Variants in WWOX observed in about 807,000 individuals in gnomAD.
The protein encoded by WWOX is WW domain containing oxidoreductase, also known as WW domain-containing oxidoreductase.
Under a neutral mutation model 46.2 loss-of-function variants are expected in WWOX, and 69 were observed. The observed-to-expected ratio is 1.49, with a 90% CI of 1.23 to 1.82. The LOEUF is 1.82. Ranked by LOEUF, WWOX falls within the 40% of genes most tolerant of loss-of-function variation. The pLI is 0.00. For synonymous variants in WWOX, 359 were observed against 202.6 expected (o/e 1.77, Z -6.56); for missense variants, 919 against 542.6 (o/e 1.69, Z -6.89).
chr16:78,722,844 C>T (rs908876180), intron 8 of WWOX, among the ~76,000 whole-genome samples: 1 of 151,568 alleles, frequency 6.6e-6, no homozygotes, highest in Non-Finnish European at 1.5e-5. Context: ...AGTTCAAGAT[C>T]AGTCTGGGCA....
intron 4 of WWOX, among the ~76,000 whole-genome samples, chr16:78,161,427 TCTTTCTTTCTCTTTC>T (rs1265928698): frequency 6.6e-6 from 1 of 151,946 alleles, no homozygotes; most frequent in African/African-American, 2.4e-5. Flanking sequence ...TCTCTCTCTC[TCTTTCTTTCTCTTTC>T]CTTTCTTTCT....
At chr16:78,105,909 C>G (rs367707460) in intron 1 of WWOX, among the ~76,000 whole-genome samples, 24 of 152,320 alleles carry the variant, frequency 1.6e-4, no homozygotes, top group African/African-American at 5.1e-4. Flanking sequence ...TCAGGAAATT[C>G]TCATGCCTCA....
intron 5 of WWOX, among the ~76,000 whole-genome samples, chr16:78,266,788 T>TTCTC (rs60393431): frequency 0.017 from 1,994 of 115,590 alleles, 45 homozygotes; most frequent in East Asian, 0.066. Flanking sequence ...TATTCTTCTA[T>TTCTC]TCTCTCTCTC....
At chr16:78,396,162 G>A (rs190074612) in intron 6 of WWOX, among the ~76,000 whole-genome samples, 2 of 152,244 alleles carry the variant, frequency 1.3e-5, no homozygotes, top group East Asian at 1.9e-4. Flanking sequence ...CATATCTCCT[G>A]TACCTTATTT....
intron 8 of WWOX, among the ~76,000 whole-genome samples, chr16:78,605,660 C>T (rs2045739105): frequency 6.6e-6 from 1 of 152,204 alleles, no homozygotes; most frequent in Non-Finnish European, 1.5e-5. Context: ...TCCAGAATTA[C>T]AACTCCGCCT....
At chr16:78,181,819 A>T (rs556517493) in intron 5 of WWOX, among the ~76,000 whole-genome samples, 22 of 152,166 alleles carry the variant, frequency 1.4e-4, no homozygotes, top group Non-Finnish European at 2.9e-4. Context: ...ATAATTAAAT[A>T]TAGATTTTTT....
At chr16:78,118,508 G>T (rs1361100152) in intron 4 of WWOX, among the ~76,000 whole-genome samples, 1 of 152,118 alleles carries the variant, frequency 6.6e-6, no homozygotes, top group Non-Finnish European at 1.5e-5. Flanking sequence ...TTTGTAAGTA[G>T]AATTTTTTTT....
chr16:78,465,097 G>A (rs1198307898), intron 8 of WWOX, among the ~76,000 whole-genome samples: 3 of 152,144 alleles, frequency 2.0e-5, no homozygotes, highest in African/African-American at 7.2e-5. Flanking sequence ...AACAGCACAG[G>A]CAGATCCCAT....
intron 8 of WWOX, among the ~76,000 whole-genome samples, chr16:78,593,032 A>T (rs980513145): frequency 3.9e-5 from 6 of 152,172 alleles, no homozygotes; most frequent in Non-Finnish European, 7.3e-5. Context: ...TACAGCCTTC[A>T]GTCCTAGCAC....
intron 5 of WWOX, among the ~76,000 whole-genome samples, chr16:78,208,997 G>A (rs772812161): frequency 1.4e-4 from 21 of 152,058 alleles, no homozygotes; most frequent in Non-Finnish European, 2.6e-4. Flanking sequence ...TGTTTAAAAT[G>A]TGGGTGGTTT....
At chr16:79,200,577 C>G (rs577179651) in intron 8 of WWOX, among the ~76,000 whole-genome samples, 1 of 152,132 alleles carries the variant, frequency 6.6e-6, no homozygotes, top group Admixed American at 6.5e-5. Context: ...GAAGTAATAA[C>G]AGGTCGTTGG....
At chr16:79,104,140 A>G (rs570490952) in intron 8 of WWOX, among the ~76,000 whole-genome samples, 90 of 152,080 alleles carry the variant, frequency 5.9e-4, no homozygotes, top group Non-Finnish European at 1.1e-3. Flanking sequence ...GCTGGAATCA[A>G]AAAGATTCAC....
chr16:78,654,508 A>G (rs1429038167), intron 8 of WWOX, among the ~76,000 whole-genome samples: 1 of 152,220 alleles, frequency 6.6e-6, no homozygotes, highest in Non-Finnish European at 1.5e-5. Context: ...GCAGAAAAGA[A>G]ATAGGTAAAA....
chr16:78,769,286 A>G (rs561220512), intron 8 of WWOX, among the ~76,000 whole-genome samples: 1 of 152,244 alleles, frequency 6.6e-6, no homozygotes, highest in South Asian at 2.1e-4. Flanking sequence ...ACCATCGTCC[A>G]TCCGTCTGTC....
At chr16:79,101,867 C>G (rs756041915) in intron 8 of WWOX, 2 of 150,800 alleles carry the variant, frequency 1.3e-5, no homozygotes, top group Admixed American at 6.6e-5. Flanking sequence ...AGAAGTACAG[C>G]GTTTTGGAGA....
At chr16:78,976,030 G>A (rs545214734) in intron 8 of WWOX, among the ~76,000 whole-genome samples, 1 of 152,128 alleles carries the variant, frequency 6.6e-6, no homozygotes, top group Non-Finnish European at 1.5e-5. Flanking sequence ...TTTCAATGGT[G>A]CGTTTAGCCA....
intron 8 of WWOX, among the ~76,000 whole-genome samples, chr16:79,057,510 G>T (rs2048285140): frequency 6.6e-6 from 1 of 152,096 alleles, no homozygotes; most frequent in Non-Finnish European, 1.5e-5. Context: ...TATATTTCCT[G>T]TGGCTGAGCT....
chr16:78,153,957 A>G (rs570010182), intron 4 of WWOX, among the ~76,000 whole-genome samples: 2 of 152,046 alleles, frequency 1.3e-5, no homozygotes, highest in Admixed American at 6.5e-5. Flanking sequence ...TCCCACCTTC[A>G]TGTTTTTTGT....
chr16:78,699,073 G>A (rs114974833), intron 8 of WWOX, among the ~76,000 whole-genome samples: 1 of 152,142 alleles, frequency 6.6e-6, no homozygotes, highest in Admixed American at 6.5e-5. Context: ...TGTTACAACT[G>A]TTCAGCTCTA....
Sources: gnomAD v4.1 joint callset for allele counts (sites outside exome capture counted in the v4.1 genomes callset) on GRCh38, gnomAD v4.1.1 for gene constraint, MANE v1.5 for transcripts, NCBI Gene and HGNC (gene_info 2026-07-23, HGNC 2026-07-21) for gene names.